Variants in SYT10 observed in about 807,000 individuals in gnomAD.
SYT10 encodes the protein synaptotagmin 10, also known as synaptotagmin-10.
A neutral mutation model predicts 51.1 loss-of-function variants in SYT10; 31 were observed. The ratio of observed to expected loss-of-function variants is 0.61; its 90% CI spans 0.46 to 0.82. The LOEUF (loss-of-function observed/expected upper bound fraction) is 0.82, where lower values mean the gene tolerates loss of function less well. Among genes scored for constraint, SYT10 ranks in the 40% least tolerant of loss-of-function variants. SYT10 has a pLI of 0.00. For synonymous variants in SYT10, 233 were observed against 225.9 expected (o/e 1.03, Z -0.28); for missense variants, 603 against 634.0 (o/e 0.95, Z 0.53).
chr12:33,404,152 A>G (rs1307184861), intron 3 of SYT10, among the ~76,000 whole-genome samples: 5 of 152,174 alleles, frequency 3.3e-5, no homozygotes, highest in African/African-American at 1.2e-4. Flanking sequence ...TCTGTGAATA[A>G]TGTTACTTAA....
chr12:33,413,010 C>T (rs1866421016), intron 2 of SYT10, among the ~76,000 whole-genome samples: 1 of 152,100 alleles, frequency 6.6e-6, no homozygotes, highest in African/African-American at 2.4e-5. Flanking sequence ...AGCTGAAAAC[C>T]ACGGCACGAG....
chr12:33,379,846 G>A lies in SYT10; in HGVS notation c.1486C>T (p.His496Tyr). 8 of 1,613,878 alleles carry A rather than the reference G, an allele frequency of 5.0e-6. No homozygotes were observed. Among genetic ancestry groups the A allele is most frequent in the Non-Finnish European group, 6.8e-6 (8 of 1,179,894 alleles). The change falls in exon 6 of 7, where the codon CAC (histidine) becomes TAC (tyrosine). Residue 496 changes from histidine (H) to tyrosine (Y), a missense_variant. Transcript: ENST00000228567. ...CACAAGCTTACCTCCAGCAATGGGT[G>A]CCAGTGCGTTATTGGTTTTCGATGA... Reference protein sequence around the residue: ...AYHRKPITHWHPLLELPGRAT... With the variant: ...AYHRKPITHWYPLLELPGRAT...
At chr12:33,407,440 C>A in intron 2 of SYT10, 84 bp from the exon 3 acceptor site, 1 of 1,406,348 alleles carries the variant, frequency 7.1e-7, no homozygotes, top group Non-Finnish European at 9.6e-7. Context: ...AACTCTTCCC[C>A]ACCCCCAGAA....
rs941705806 is a variant in SYT10 at position 33,439,576 on chromosome 12, C to A, written c.-54G>T. On this transcript the variant is annotated 5_prime_UTR_variant, in exon 1 of 7. Transcript: ENST00000228567. The stretch of plus-strand genomic sequence containing the variant: ...TTTTCCCAGTTAGCCGTCTTTTCCT[C>A]TTCCCGTACCTCTAACCCCTCTGGC... The A allele has an allele frequency of 1.0e-5, 16 of 1,588,166 alleles. No homozygotes were observed. The highest frequency in any genetic ancestry group is 1.3e-5 in the African/African-American group (1 of 74,524).
rs1185503863 is a variant in SYT10 at position 33,376,569 on chromosome 12, G to A, written c.*261C>T. 8 of 476,118 alleles carry A rather than the reference G, an allele frequency of 1.7e-5. No homozygotes were observed. Among genetic ancestry groups the A allele is most frequent in the Non-Finnish European group, 2.3e-5 (6 of 264,508 alleles). The allele number at this position is 476,118 out of a possible 1,614,324, so 29.5% of individuals were successfully genotyped here. A position where few individuals can be genotyped will look rare whatever the true frequency, so the allele number is the denominator to read the frequency against. On this transcript the variant is annotated 3_prime_UTR_variant, in exon 7 of 7. Transcript: ENST00000228567. ...TTCATATGCAAAGAATTACAACATA[G>A]TAAAACACTCTTTGTGCTAACAGGC...
intron 2 of SYT10, among the ~76,000 whole-genome samples, chr12:33,416,205 C>G (rs1460166880): frequency 1.3e-5 from 2 of 152,096 alleles, no homozygotes; most frequent in East Asian, 1.9e-4. Context: ...CTCAGCTTCC[C>G]GAGTAGCTGG....
Position 33,416,818 on chromosome 12 carries a change from G to A in SYT10, c.509+9320C>T, listed in dbSNP as rs115182444. 7.8e-3 allele frequency among the ~76,000 whole-genome samples: 1,193 copies of A among 152,266 alleles called. 12 individuals carry two copies. Among genetic ancestry groups the A allele is most frequent in the African/African-American group, 0.027 (1,140 of 41,562 alleles). On this transcript the variant is annotated intron_variant, in intron 2 of 6. Coordinates refer to ENST00000228567, the MANE Select transcript of SYT10 (RefSeq NM_198992.4). ...TGAGGATACTAATAAAATAGAGAGGGAGAAATAATAATGCAAGCATCAGAG... is the reference window on the plus strand; with the variant it reads ...TGAGGATACTAATAAAATAGAGAGGAAGAAATAATAATGCAAGCATCAGAG...
intron 2 of SYT10, 144 bp from the exon 3 acceptor site, chr12:33,407,500 A>G (rs1489170966): frequency 3.9e-6 from 3 of 765,058 alleles, no homozygotes; most frequent in Non-Finnish European, 5.7e-6. Context: ...CATATAATCA[A>G]AGAGGTACTT....
chr12:33,418,143 A>G (rs1866470920), intron 2 of SYT10, among the ~76,000 whole-genome samples: 1 of 152,124 alleles, frequency 6.6e-6, no homozygotes, highest in Non-Finnish European at 1.5e-5. Context: ...ATGTCTCCCC[A>G]ACATTGCTAA....
intron 2 of SYT10, among the ~76,000 whole-genome samples, chr12:33,419,346 G>C (rs752857878): frequency 2.6e-5 from 4 of 151,952 alleles, no homozygotes; most frequent in African/African-American, 4.8e-5. Context: ...TGACATAAGT[G>C]TTCAATAAAT....
intron 3 of SYT10, among the ~76,000 whole-genome samples, chr12:33,400,092 A>G (rs1181853008): frequency 6.6e-6 from 1 of 152,144 alleles, no homozygotes; most frequent in East Asian, 1.9e-4. Context: ...CTACTGCCCC[A>G]CTTTCCATCA....
intron 1 of SYT10, among the ~76,000 whole-genome samples, chr12:33,431,817 G>C (rs566937041): frequency 9.9e-5 from 15 of 152,256 alleles, no homozygotes; most frequent in African/African-American, 3.6e-4. Flanking sequence ...TTTTGGAAAT[G>C]GGTGGTGAAG....
chr12:33,439,749 G>A lies in SYT10; in HGVS notation c.-227C>T. 1.9e-6 allele frequency: 1 copy of A among 540,196 alleles called. No homozygotes were observed. Among genetic ancestry groups the A allele is most frequent in the South Asian group, 2.5e-5 (1 of 40,456 alleles). 33.5% of individuals were successfully genotyped at this position (540,196 alleles called of 1,614,324 possible). On this transcript the variant is annotated 5_prime_UTR_variant, in exon 1 of 7. Transcript: ENST00000228567. ...CGCGCGAGGAGGCTGCGGCTGCCGC[G>A]AGGTTTGCGCCAACTCTCCCGCCGC...
At chr12:33,401,026 CA>C (rs34168304) in intron 3 of SYT10, among the ~76,000 whole-genome samples, 8,807 of 133,272 alleles carry the variant, frequency 0.066, 398 homozygotes, top group African/African-American at 0.15. Context: ...GATTCTGTCT[CA>C]AAAAAAAAAA....
At chr12:33,403,686 T>C (rs569848898) in intron 3 of SYT10, among the ~76,000 whole-genome samples, 1 of 152,328 alleles carries the variant, frequency 6.6e-6, no homozygotes, top group East Asian at 1.9e-4. Context: ...CCTCTTATTC[T>C]CCATTTTTCT....
At chr12:33,413,333 T>C (rs1190608514) in intron 2 of SYT10, among the ~76,000 whole-genome samples, 6 of 152,080 alleles carry the variant, frequency 3.9e-5, no homozygotes, top group Non-Finnish European at 8.8e-5. Context: ...ATACTGAGAA[T>C]GCCACAAAGA....
At chr12:33,418,410 G>A (rs1866473667) in intron 2 of SYT10, among the ~76,000 whole-genome samples, 1 of 152,016 alleles carries the variant, frequency 6.6e-6, no homozygotes, top group South Asian at 2.1e-4. Flanking sequence ...TCCTCGCTTA[G>A]GACATAATCT....
At chr12:33,410,079 C>G (rs1200788017) in intron 2 of SYT10, among the ~76,000 whole-genome samples, 1 of 152,180 alleles carries the variant, frequency 6.6e-6, no homozygotes, top group Non-Finnish European at 1.5e-5. Context: ...AAAAATATTT[C>G]TGCCTCACAT....
intron 4 of SYT10, among the ~76,000 whole-genome samples, chr12:33,384,550 C>T (rs1297272541): frequency 6.6e-6 from 1 of 152,050 alleles, no homozygotes; most frequent in African/African-American, 2.4e-5. Context: ...AAGTAATTAC[C>T]CAGAACTGCA....
Sources: allele counts gnomAD v4.1 joint callset (sites outside exome capture counted in the v4.1 genomes callset), GRCh38; gene constraint gnomAD v4.1.1; transcripts MANE v1.5; gene names NCBI Gene and HGNC (gene_info 2026-07-23, HGNC 2026-07-21).